Variants in FHIT observed in about 807,000 individuals in gnomAD.
FHIT encodes bis(5'-adenosyl)-triphosphatase.
A neutral mutation model predicts 17.9 loss-of-function variants in FHIT; 19 were observed. The ratio of observed to expected loss-of-function variants is 1.06; its 90% CI spans 0.74 to 1.56. FHIT has a LOEUF of 1.56. Ranked by LOEUF, FHIT falls within the 40% of genes most tolerant of loss-of-function variation. The probability of loss-of-function intolerance (pLI) is 0.00; values close to 1 mark genes in which losing one functional copy is unlikely to be tolerated. For missense variants in FHIT, 248 were observed against 189.2 expected (o/e 1.31, Z -1.82); for synonymous variants, 81 against 69.7 (o/e 1.16, Z -0.81).
intron 3 of FHIT, among the ~76,000 whole-genome samples, chr3:60,968,803 A>G (rs1559875191): frequency 6.6e-6 from 1 of 152,042 alleles, no homozygotes; most frequent in African/African-American, 2.4e-5. Context: ...GTGTTTGTCA[A>G]TTTTTTCCCC....
intron 1 of FHIT, among the ~76,000 whole-genome samples, chr3:61,222,818 G>C (rs1201204889): frequency 6.6e-6 from 1 of 152,176 alleles, no homozygotes; most frequent in Non-Finnish European, 1.5e-5. Flanking sequence ...CAACGGAACA[G>C]GGCAGCATCT....
At chr3:59,991,676 C>T (rs17319929) in intron 7 of FHIT, among the ~76,000 whole-genome samples, 14,675 of 152,026 alleles carry the variant, frequency 0.097, 977 homozygotes, top group South Asian at 0.19. Flanking sequence ...AGTCAAATTC[C>T]GAGAGCAGAC....
At chr3:59,942,512 C>A (rs1035281779) in intron 7 of FHIT, among the ~76,000 whole-genome samples, 5 of 152,184 alleles carry the variant, frequency 3.3e-5, no homozygotes, top group Non-Finnish European at 7.3e-5. Flanking sequence ...AAAGGCTTTG[C>A]ATTAAACAAA....
intron 4 of FHIT, among the ~76,000 whole-genome samples, chr3:60,562,310 T>C (rs1298841995): frequency 6.6e-6 from 1 of 152,192 alleles, no homozygotes; most frequent in Non-Finnish European, 1.5e-5. Flanking sequence ...CTAAATGAGT[T>C]AGTAACATTT....
intron 8 of FHIT, among the ~76,000 whole-genome samples, chr3:59,912,259 TA>T (rs2107144821): frequency 6.6e-6 from 1 of 152,314 alleles, no homozygotes; most frequent in East Asian, 1.9e-4. Context: ...AATTCAGCCT[TA>T]TCCCAGATCA....
intron 4 of FHIT, among the ~76,000 whole-genome samples, chr3:60,814,763 A>G (rs1301391140): frequency 1.8e-4 from 28 of 152,142 alleles, no homozygotes; most frequent in Admixed American, 1.7e-3. Flanking sequence ...TTCTGTTTTA[A>G]GTTCTTTGGG....
At chr3:60,040,641 A>C (rs928254479) in intron 5 of FHIT, among the ~76,000 whole-genome samples, 1 of 152,130 alleles carries the variant, frequency 6.6e-6, no homozygotes, top group Non-Finnish European at 1.5e-5. Context: ...GGAGGGCTTC[A>C]AGAGAACTGC....
At chr3:60,963,786 G>A (rs1709578159) in intron 3 of FHIT, among the ~76,000 whole-genome samples, 2 of 152,140 alleles carry the variant, frequency 1.3e-5, no homozygotes, top group Non-Finnish European at 2.9e-5. Flanking sequence ...TTGCACTGTG[G>A]TCTGAGAGAC....
intron 4 of FHIT, among the ~76,000 whole-genome samples, chr3:60,661,432 A>G (rs1360857253): frequency 6.6e-6 from 1 of 152,038 alleles, no homozygotes; most frequent in African/African-American, 2.4e-5. Context: ...ATGTTCCACA[A>G]TTTCTTTATC....
At chr3:60,448,019 G>T (rs1312867453) in intron 5 of FHIT, among the ~76,000 whole-genome samples, 3 of 152,166 alleles carry the variant, frequency 2.0e-5, no homozygotes, top group African/African-American at 7.2e-5. Context: ...TACCCTGTTA[G>T]ATCATCTCAT....
intron 5 of FHIT, among the ~76,000 whole-genome samples, chr3:60,091,773 C>T (rs1195527447): frequency 1.3e-5 from 2 of 152,248 alleles, no homozygotes; most frequent in East Asian, 1.9e-4. Flanking sequence ...TCTTCTCCTG[C>T]TCCCACCACA....
chr3:61,014,807 A>AAATAT (rs1553798839), intron 3 of FHIT, among the ~76,000 whole-genome samples: 18 of 49,106 alleles, frequency 3.7e-4, no homozygotes, highest in African/African-American at 9.7e-4. Flanking sequence ...AAAAAAAAAA[A>AAATAT]ATATATATAT....
intron 5 of FHIT, among the ~76,000 whole-genome samples, chr3:60,486,228 T>C (rs2033834005): frequency 6.6e-6 from 1 of 152,178 alleles, no homozygotes; most frequent in African/African-American, 2.4e-5. Context: ...AGAAAACAGG[T>C]AATTCAGGGC....
At chr3:60,307,186 C>G (rs4679526) in intron 5 of FHIT, among the ~76,000 whole-genome samples, 66,166 of 151,972 alleles carry the variant, frequency 0.44, 15,550 homozygotes, top group East Asian at 0.82. Context: ...GGCAGTACAG[C>G]ACTCTGTCTC....
intron 5 of FHIT, among the ~76,000 whole-genome samples, chr3:60,293,203 A>G (rs1306007001): frequency 6.6e-6 from 1 of 152,144 alleles, no homozygotes; most frequent in African/African-American, 2.4e-5. Context: ...GAGCCTAAAT[A>G]TGATATAGGG....
intron 3 of FHIT, among the ~76,000 whole-genome samples, chr3:61,032,973 T>G (rs551261688): frequency 1.4e-4 from 21 of 152,338 alleles, no homozygotes; most frequent in African/African-American, 5.0e-4. Flanking sequence ...AGCTCTGATA[T>G]CTGAGGACAG....
chr3:61,055,990 T>A (rs955373394), intron 2 of FHIT, among the ~76,000 whole-genome samples: 1 of 152,246 alleles, frequency 6.6e-6, no homozygotes, highest in Non-Finnish European at 1.5e-5. Context: ...TAAACTCTTT[T>A]AGTTATTATC....
intron 5 of FHIT, among the ~76,000 whole-genome samples, chr3:60,240,136 A>T (rs1188789236): frequency 6.6e-6 from 1 of 152,202 alleles, no homozygotes; most frequent in African/African-American, 2.4e-5. Context: ...ATCAATATGC[A>T]TCTCCCTACC....
chr3:60,287,787 G>C (rs1011036380), intron 5 of FHIT, among the ~76,000 whole-genome samples: 13 of 143,784 alleles, frequency 9.0e-5, no homozygotes, highest in African/African-American at 3.4e-4. Flanking sequence ...GTGCAGGTAA[G>C]CTGAGGGAAA....
Sources: allele counts gnomAD v4.1 joint callset (sites outside exome capture counted in the v4.1 genomes callset), GRCh38; gene constraint gnomAD v4.1.1; transcripts MANE v1.5; gene names NCBI Gene and HGNC (gene_info 2026-07-23, HGNC 2026-07-21).